The following HOOK3 variants were observed in gnomAD, a reference collection of about 807,000 sequenced individuals.
HOOK3 encodes the protein hook microtubule tethering protein 3.
HOOK3 carries 24 observed loss-of-function variants against 116.3 expected under a neutral mutation model. The ratio of observed to expected loss-of-function variants is 0.21; its 90% CI spans 0.15 to 0.29. The LOEUF is 0.29. Ranked by LOEUF, HOOK3 falls within the 10% of genes least tolerant of loss-of-function variation. HOOK3 has a pLI of 1.00. For synonymous variants in HOOK3, 275 were observed against 283.0 expected (o/e 0.97, Z 0.28); for missense variants, 632 against 830.2 (o/e 0.76, Z 2.93).
At chr8:42,960,967 A>G (rs1262946935) in intron 8 of HOOK3, among the ~76,000 whole-genome samples, 5 of 152,252 alleles carry the variant, frequency 3.3e-5, no homozygotes, top group Non-Finnish European at 7.3e-5. Context: ...TGGCTCCAGC[A>G]TCTGCTTCTG....
chr8:42,905,586 ATTTTCATAGATTGATC>A (rs1401602235), intron 1 of HOOK3, among the ~76,000 whole-genome samples: 1 of 151,914 alleles, frequency 6.6e-6, no homozygotes, highest in African/African-American at 2.4e-5. Flanking sequence ...ACGTGCCGTG[ATTTTCATAGATTGATC>A]TTGTGTGAGT....
chr8:42,999,005 G>A (rs1809332199), intron 16 of HOOK3, among the ~76,000 whole-genome samples: 1 of 152,080 alleles, frequency 6.6e-6, no homozygotes, highest in African/African-American at 2.4e-5. Flanking sequence ...ATCCATTCTG[G>A]TCTCTAAAAG....
chr8:42,913,179 A>C (rs1198182045), intron 2 of HOOK3, among the ~76,000 whole-genome samples: 2 of 152,062 alleles, frequency 1.3e-5, no homozygotes, highest in Non-Finnish European at 2.9e-5. Context: ...CAATTTGATA[A>C]ATTTTGACCT....
chr8:43,014,285 G>GAAAA (rs1195987584), intron 21 of HOOK3, among the ~76,000 whole-genome samples: 1 of 66,696 alleles, frequency 1.5e-5, no homozygotes, highest in African/African-American at 4.5e-5. Context: ...GACTGTCTCA[G>GAAAA]AAAAAAAAAA....
Position 43,023,208 on chromosome 8 carries a change from A to G in HOOK3, c.*4710A>G, listed in dbSNP as rs1182817899. 7.1e-6 allele frequency: 1 copy of G among 141,040 alleles called. No individual in the cohort carries two copies. Among genetic ancestry groups the G allele is most frequent in the African/African-American group, 3.1e-5 (1 of 32,084 alleles). The allele number at this position is 141,040 out of a possible 1,614,324, so 8.7% of individuals were successfully genotyped here. ...GCCACAGAGTGAGACTCCATCTCAA[A>G]AAAAAAAAAAAAAAAAAAAAGAAAC... On this transcript the variant is annotated 3_prime_UTR_variant, in exon 22 of 22. Coordinates refer to ENST00000307602, the MANE Select transcript of HOOK3 (RefSeq NM_032410.4).
chr8:42,940,260 A>G (rs1235424400), intron 4 of HOOK3, among the ~76,000 whole-genome samples: 1 of 152,206 alleles, frequency 6.6e-6, no homozygotes, highest in Non-Finnish European at 1.5e-5. Context: ...CTGGCGGATC[A>G]CTCGCGGCTA....
At chr8:42,993,332 A>T (rs1311924738) in intron 15 of HOOK3, among the ~76,000 whole-genome samples, 1 of 152,202 alleles carries the variant, frequency 6.6e-6, no homozygotes, top group Non-Finnish European at 1.5e-5. Context: ...AGCTTAGTAG[A>T]GCCAGGTTTT....
At chr8:42,993,439 G>A (rs958716416) in intron 15 of HOOK3, among the ~76,000 whole-genome samples, 1 of 152,142 alleles carries the variant, frequency 6.6e-6, no homozygotes, top group Non-Finnish European at 1.5e-5. Context: ...GAGCCACTAT[G>A]CCTGGCCTAT....
rs866186920 is a variant in HOOK3 at position 42,992,378 on chromosome 8, C to T, written c.1533-5172C>T. Among the ~76,000 whole-genome samples, 28 of 112,878 alleles carry T rather than the reference C, an allele frequency of 2.5e-4. 1 individual carries two copies. The highest frequency in any genetic ancestry group is 7.2e-4 in the African/African-American group (20 of 27,862). The allele number at this position is 112,878 out of a possible 152,430, so 74.1% of individuals were successfully genotyped here. A position where few individuals can be genotyped will look rare whatever the true frequency, so the allele number is the denominator to read the frequency against. Reference sequence around the variant, plus strand: ...TCATGCCACTGCACTCCAGCCTGGGCGACAGAGTGAGACTCTGTCTCAAAA... The same window carrying T: ...TCATGCCACTGCACTCCAGCCTGGGTGACAGAGTGAGACTCTGTCTCAAAA... On this transcript the variant is annotated intron_variant, in intron 15 of 21. Transcript: ENST00000307602.
At chr8:42,946,763 C>CTTTTTTTTTTTTTTTT (rs34564365) in intron 5 of HOOK3, among the ~76,000 whole-genome samples, 35 of 73,916 alleles carry the variant, frequency 4.7e-4, no homozygotes, top group East Asian at 1.1e-3. Flanking sequence ...CTCTTTCTTT[C>CTTTTTTTTTTTTTTTT]TTTTTTTTTT....
At chr8:42,960,163 A>G (rs1808510821) in intron 8 of HOOK3, among the ~76,000 whole-genome samples, 1 of 152,262 alleles carries the variant, frequency 6.6e-6, no homozygotes, top group African/African-American at 2.4e-5. Flanking sequence ...TTAGTAATAT[A>G]AAATTAAATT....
rs1465876776 is a variant in HOOK3 at position 43,027,555 on chromosome 8, G to C, written c.*9057G>C. On this transcript the variant is annotated 3_prime_UTR_variant, in exon 22 of 22. Transcript: ENST00000307602. ...CTGGAATAGAGAAGTCTAGACCCTG[G>C]CCTTTGAGGGAAAGGACTGCTTTTT... 1 of 248,478 alleles carries C rather than the reference G, an allele frequency of 4.0e-6. No individual in the cohort carries two copies. Among genetic ancestry groups the C allele is most frequent in the African/African-American group, 2.2e-5 (1 of 44,562 alleles). The allele number at this position is 248,478 out of a possible 1,614,324, so 15.4% of individuals were successfully genotyped here.
intron 1 of HOOK3, among the ~76,000 whole-genome samples, chr8:42,899,491 TA>T (rs1260372778): frequency 1.3e-5 from 2 of 152,246 alleles, no homozygotes; most frequent in Admixed American, 6.5e-5. Context: ...TGTTCTCTTT[TA>T]GCTGTCATTA....
chr8:43,009,161 T>G (rs1274186440), intron 18 of HOOK3, among the ~76,000 whole-genome samples: 1 of 151,658 alleles, frequency 6.6e-6, no homozygotes, highest in Admixed American at 6.6e-5. Flanking sequence ...TAGCACTTAT[T>G]TGGGAGGCCG....
intron 1 of HOOK3, among the ~76,000 whole-genome samples, chr8:42,898,930 A>G (rs1218100513): frequency 1.3e-5 from 2 of 152,254 alleles, no homozygotes; most frequent in Admixed American, 6.5e-5. Flanking sequence ...AACGTGTTTT[A>G]TAATAAATTG....
At chr8:42,995,953 A>G (rs2130465263) in intron 15 of HOOK3, among the ~76,000 whole-genome samples, 1 of 152,278 alleles carries the variant, frequency 6.6e-6, no homozygotes, top group Non-Finnish European at 1.5e-5. Context: ...TTTTAAAACC[A>G]AAGTGATCTG....
rs140975022 is a variant in HOOK3 at position 42,982,548 on chromosome 8, G to T, written c.1322-79G>T. ...AATGATTTTTGCTGTTAAAATTAAT[G>T]CTCAAAGTAGGGTTTCATATCGAAA... On this transcript the variant is annotated intron_variant, in intron 13 of 21. Coordinates refer to ENST00000307602, the MANE Select transcript of HOOK3 (RefSeq NM_032410.4). 3.2e-6 allele frequency: 3 copies of T among 927,536 alleles called. No individual in the cohort carries two copies. In the African/African-American group the frequency reaches 4.9e-5, roughly 15 times the overall value. The allele number at this position is 927,536 out of a possible 1,614,324, so 57.5% of individuals were successfully genotyped here.
At chr8:42,951,824 C>T (rs904461029) in intron 6 of HOOK3, among the ~76,000 whole-genome samples, 8 of 151,876 alleles carry the variant, frequency 5.3e-5, no homozygotes, top group Non-Finnish European at 1.2e-4. Context: ...GCCTGTAGTC[C>T]CAGCTTCTCG....
chr8:42,976,482 C>T (rs1475008046), intron 13 of HOOK3, among the ~76,000 whole-genome samples: 2 of 151,998 alleles, frequency 1.3e-5, no homozygotes, highest in Non-Finnish European at 2.9e-5. Context: ...TGCATTCCAG[C>T]CTGGACAACA....
Sources: gnomAD v4.1 joint callset for allele counts (sites outside exome capture counted in the v4.1 genomes callset) on GRCh38, gnomAD v4.1.1 for gene constraint, MANE v1.5 for transcripts, NCBI Gene and HGNC (gene_info 2026-07-23, HGNC 2026-07-21) for gene names.